ARHGAP24: variants seen among roughly 807,000 people sequenced by gnomAD.
ARHGAP24 encodes the protein rho GTPase-activating protein 24.
ARHGAP24 carries 50 observed loss-of-function variants against 76.4 expected under a neutral mutation model. That is an observed-to-expected ratio of 0.65 (90% CI 0.52 to 0.83). The LOEUF is 0.83. ARHGAP24 is among the 40% of genes least tolerant of loss of function. The pLI is 0.00. For missense variants in ARHGAP24, 930 were observed against 914.2 expected (o/e 1.02, Z -0.22); for synonymous variants, 345 against 323.3 (o/e 1.07, Z -0.72).
chr4:85,831,795 G>A (rs1018228743), intron 3 of ARHGAP24, among the ~76,000 whole-genome samples: 4 of 151,798 alleles, frequency 2.6e-5, no homozygotes, highest in South Asian at 2.1e-4. Context: ...CCAGGTACTC[G>A]GGAGGCTGAG....
intron 3 of ARHGAP24, among the ~76,000 whole-genome samples, chr4:85,848,334 T>G (rs754276579): frequency 3.9e-5 from 6 of 152,062 alleles, no homozygotes. Flanking sequence ...CCCTCTCCCA[T>G]CCCCCTACCC....
At chr4:85,803,751 T>C (rs1419096250) in intron 3 of ARHGAP24, among the ~76,000 whole-genome samples, 1 of 152,170 alleles carries the variant, frequency 6.6e-6, no homozygotes, top group East Asian at 1.9e-4. Flanking sequence ...TGATCCCCAT[T>C]GTGGGATTTA....
chr4:85,708,788 A>T (rs1291813378), intron 2 of ARHGAP24, among the ~76,000 whole-genome samples: 1 of 152,160 alleles, frequency 6.6e-6, no homozygotes, highest in Admixed American at 6.5e-5. Context: ...CTAAGAAAGC[A>T]ATTTTACCTT....
chr4:85,736,975 T>C (rs1029717069), intron 3 of ARHGAP24, among the ~76,000 whole-genome samples: 2 of 152,210 alleles, frequency 1.3e-5, no homozygotes, highest in Admixed American at 6.5e-5. Context: ...TGTGTTCAAA[T>C]TCAATGATAA....
intron 3 of ARHGAP24, among the ~76,000 whole-genome samples, chr4:85,768,608 G>A (rs572157298): frequency 6.6e-5 from 10 of 151,850 alleles, no homozygotes; most frequent in African/African-American, 1.7e-4. Context: ...ATGGTGGCGC[G>A]CACCTGTAAA....
chr4:85,909,609 T>A (rs915626847), intron 3 of ARHGAP24, among the ~76,000 whole-genome samples: 3 of 152,230 alleles, frequency 2.0e-5, no homozygotes, highest in Admixed American at 2.0e-4. Flanking sequence ...CTTCTAATAC[T>A]GCTGCATAAA....
At chr4:85,540,011 C>G (rs1203228279) in intron 1 of ARHGAP24, among the ~76,000 whole-genome samples, 1 of 151,832 alleles carries the variant, frequency 6.6e-6, no homozygotes. Context: ...TGCGACTGCA[C>G]TCCAGCCTAG....
intron 2 of ARHGAP24, among the ~76,000 whole-genome samples, chr4:85,684,913 T>A (rs575050322): frequency 1.3e-5 from 2 of 152,260 alleles, no homozygotes; most frequent in African/African-American, 4.8e-5. Context: ...CAAAGTGTCC[T>A]ACAGTAACAC....
At chr4:85,689,414 T>G (rs144891272) in intron 2 of ARHGAP24, among the ~76,000 whole-genome samples, 2 of 151,978 alleles carry the variant, frequency 1.3e-5, no homozygotes, top group Admixed American at 6.6e-5. Context: ...TGAAACAGAG[T>G]CTTGCTCTGT....
chr4:85,948,822 A>G (rs943163464), intron 5 of ARHGAP24, among the ~76,000 whole-genome samples: 24 of 152,272 alleles, frequency 1.6e-4, no homozygotes, highest in African/African-American at 5.3e-4. Context: ...TTTTCTTGTC[A>G]GCACCCTGGA....
intron 3 of ARHGAP24, among the ~76,000 whole-genome samples, chr4:85,743,641 G>A (rs1001542926): frequency 6.6e-6 from 1 of 151,856 alleles, no homozygotes; most frequent in Non-Finnish European, 1.5e-5. Flanking sequence ...AAGCAGAACT[G>A]TTGTACCAAA....
chr4:85,881,463 T>C lies in ARHGAP24; in HGVS notation c.269-42185T>C, dbSNP rs1474174203. ...AATAGATTGTACAGGGTTTTGTGTT[T>C]TTTTTTTAATTTTTTAACATGATTT... is the stretch of plus-strand genomic sequence containing the variant. On this transcript the variant is annotated intron_variant, in intron 3 of 9. Coordinates refer to ENST00000395184, the MANE Select transcript of ARHGAP24 (RefSeq NM_001025616.3). Among the ~76,000 whole-genome samples the C allele has an allele frequency of 4.6e-5, 7 of 152,202 alleles. No homozygotes were observed. In the East Asian group the frequency reaches 1.4e-3, roughly 29 times the overall value.
chr4:85,902,660 A>G (rs1422370067), intron 3 of ARHGAP24, among the ~76,000 whole-genome samples: 1 of 152,002 alleles, frequency 6.6e-6, no homozygotes, highest in Non-Finnish European at 1.5e-5. Context: ...CTGGAGTGCA[A>G]TGGTGCGATT....
intron 2 of ARHGAP24, among the ~76,000 whole-genome samples, chr4:85,611,133 T>C (rs1720369692): frequency 6.6e-6 from 1 of 152,214 alleles, no homozygotes. Flanking sequence ...CTATTTCATC[T>C]AATATGAAAC....
At chr4:85,975,089 A>G in intron 7 of ARHGAP24, 128 bp downstream of exon 7, 2 of 799,672 alleles carry the variant, frequency 2.5e-6, no homozygotes, top group South Asian at 2.9e-5. Flanking sequence ...GTAAAATTAA[A>G]AGATTGGACA....
At chr4:85,894,987 AACAAAACAAAAAG>A (rs1734077838) in intron 3 of ARHGAP24, among the ~76,000 whole-genome samples, 1 of 13,626 alleles carries the variant, frequency 7.3e-5, no homozygotes, top group Non-Finnish European at 1.5e-4. Context: ...AAAAAAAAAA[AACAAAACAAAAAG>A]CAAAAAAAAA....
rs112030207 is a variant in ARHGAP24, at chr4:85,525,551, T to A, written c.-20-44971T>A. Among the ~76,000 whole-genome samples, 1,472 of 152,178 alleles carry A rather than the reference T, an allele frequency of 9.7e-3. 13 individuals are homozygous for A. Among genetic ancestry groups the A allele is most frequent in the East Asian group, 0.018 (95 of 5,180 alleles). ...CAAAAACCATGGCTAAATCTTCAGA[T>A]CATCATGCTATTTGAGGCAAGAACA... On this transcript the variant is annotated intron_variant, in intron 1 of 9. Transcript: ENST00000395184.
chr4:85,528,670 C>G (rs915516418), intron 1 of ARHGAP24, among the ~76,000 whole-genome samples: 13 of 151,956 alleles, frequency 8.6e-5, no homozygotes, highest in Admixed American at 3.9e-4. Flanking sequence ...TCTTAACAAA[C>G]TATGTGTTTG....
At chr4:85,654,523 A>G (rs1722069952) in intron 2 of ARHGAP24, among the ~76,000 whole-genome samples, 2 of 152,168 alleles carry the variant, frequency 1.3e-5, no homozygotes, top group Admixed American at 6.5e-5. Flanking sequence ...ACCCCAATGA[A>G]AAGGTCAGTA....
Sources: allele counts gnomAD v4.1 joint callset (sites outside exome capture counted in the v4.1 genomes callset), GRCh38; gene constraint gnomAD v4.1.1; transcripts MANE v1.5; gene names NCBI Gene and HGNC (gene_info 2026-07-23, HGNC 2026-07-21).